UNC5D: variants seen among roughly 807,000 people sequenced by gnomAD.
The protein encoded by UNC5D is netrin receptor UNC5D.
UNC5D carries 39 observed loss-of-function variants against 105.4 expected under a neutral mutation model. That is an observed-to-expected ratio of 0.37 (90% CI 0.29 to 0.48). The LOEUF (loss-of-function observed/expected upper bound fraction) is 0.48, where lower values mean the gene tolerates loss of function less well. UNC5D is among the 20% of genes least tolerant of loss of function. UNC5D has a pLI of 0.98. For synonymous variants in UNC5D, 452 were observed against 450.4 expected, an observed-to-expected ratio of 1.00 and a Z score of -0.04; for missense variants, 991 against 1,202.4, an observed-to-expected ratio of 0.82 and a Z score of 2.60.
intron 4 of UNC5D, among the ~76,000 whole-genome samples, chr8:35,665,347 C>T (rs1363936580): frequency 6.6e-6 from 1 of 152,092 alleles, no homozygotes; most frequent in Non-Finnish European, 1.5e-5. Flanking sequence ...TCCTTTGGTT[C>T]CTCCTTTTAA....
intron 4 of UNC5D, among the ~76,000 whole-genome samples, chr8:35,607,215 A>C (rs912610405): frequency 3.3e-5 from 5 of 152,192 alleles, no homozygotes; most frequent in Non-Finnish European, 7.3e-5. Context: ...CAAAATATAG[A>C]TGTATCAGAA....
intron 1 of UNC5D, among the ~76,000 whole-genome samples, chr8:35,249,113 TTA>T (rs1192023893): frequency 1.4e-4 from 18 of 129,484 alleles, no homozygotes; most frequent in Admixed American, 6.6e-4. Flanking sequence ...AATATATATA[TTA>T]TATATATAAA....
chr8:35,238,462 G>A (rs1371753195), intron 1 of UNC5D, among the ~76,000 whole-genome samples: 1 of 152,204 alleles, frequency 6.6e-6, no homozygotes, highest in East Asian at 1.9e-4. Flanking sequence ...TTGTAAGGAA[G>A]GCACTCTGGT....
intron 4 of UNC5D, among the ~76,000 whole-genome samples, chr8:35,602,352 T>C (rs1194682540): frequency 6.6e-6 from 1 of 152,192 alleles, no homozygotes; most frequent in African/African-American, 2.4e-5. Context: ...TTCTATTGAT[T>C]GGAATAGTTT....
intron 16 of UNC5D, among the ~76,000 whole-genome samples, chr8:35,785,010 G>C (rs568975490): frequency 6.6e-5 from 10 of 151,868 alleles, no homozygotes. Context: ...TCAGGCATCT[G>C]TCTGAATATT....
intron 1 of UNC5D, among the ~76,000 whole-genome samples, chr8:35,425,766 GGTTT>G (rs1563406016): frequency 6.6e-6 from 1 of 151,900 alleles, no homozygotes; most frequent in African/African-American, 2.4e-5. Context: ...AATTTGTGAG[GGTTT>G]GTTTTCTGGT....
chr8:35,738,198 C>T (rs2131598046), intron 11 of UNC5D, among the ~76,000 whole-genome samples: 1 of 152,296 alleles, frequency 6.6e-6, no homozygotes, highest in African/African-American at 2.4e-5. Context: ...GTTCCAAGCC[C>T]TTCTCAGTAA....
At chr8:35,354,569 T>C (rs1342822865) in intron 1 of UNC5D, among the ~76,000 whole-genome samples, 5 of 152,148 alleles carry the variant, frequency 3.3e-5, no homozygotes, top group Non-Finnish European at 4.4e-5. Context: ...CTCTTTCTTG[T>C]TGTTAATGTA....
Position 35,766,948 on chromosome 8 carries a change from A to C in UNC5D, c.2360A>C (p.His787Pro). 1.2e-6 allele frequency: 2 copies of C among 1,614,066 alleles called. No individual in the cohort carries two copies. The highest frequency in any genetic ancestry group is 1.7e-6 in the Non-Finnish European group (2 of 1,179,952). The change falls in exon 15 of 17, where the codon CAC becomes CCC. Residue 787 changes from histidine to proline, a missense_variant. Physicochemically the swap from His to Pro is moderately conservative, Grantham distance 77. Transcript: ENST00000404895. The stretch of plus-strand genomic sequence containing the variant: ...TGGTGCAGTAACCGGCAGCCCCTGC[A>C]CTGTGCCTTCTCCCTGGAGCGTTAT... Reference protein sequence around the residue: ...RVWCSNRQPLHCAFSLERYTP... With the variant: ...RVWCSNRQPLPCAFSLERYTP...
At chr8:35,480,009 TA>T (rs1176315030) in intron 1 of UNC5D, among the ~76,000 whole-genome samples, 1 of 152,218 alleles carries the variant, frequency 6.6e-6, no homozygotes, top group Non-Finnish European at 1.5e-5. Context: ...GACTTACTTC[TA>T]TTGTGTGTTT....
chr8:35,590,714 A>G (rs891574761), intron 3 of UNC5D, among the ~76,000 whole-genome samples: 1 of 152,174 alleles, frequency 6.6e-6, no homozygotes, highest in African/African-American at 2.4e-5. Context: ...ATGTATGTGT[A>G]TTATTATCCT....
At chr8:35,405,788 T>A (rs567161382) in intron 1 of UNC5D, among the ~76,000 whole-genome samples, 3 of 152,190 alleles carry the variant, frequency 2.0e-5, no homozygotes, top group Non-Finnish European at 2.9e-5. Context: ...CTTTTAGCAC[T>A]TCTTTCTTGT....
At chr8:35,679,290 T>C (rs1179825549) in intron 4 of UNC5D, among the ~76,000 whole-genome samples, 9 of 151,878 alleles carry the variant, frequency 5.9e-5, no homozygotes, top group Non-Finnish European at 1.3e-4. Flanking sequence ...AGGTAAGCAT[T>C]AGGAAGAAAA....
chr8:35,635,748 A>G (rs1301856798), intron 4 of UNC5D, among the ~76,000 whole-genome samples: 1 of 152,202 alleles, frequency 6.6e-6, no homozygotes, highest in African/African-American at 2.4e-5. Flanking sequence ...ACACATATAC[A>G]ATAAGGTTGT....
chr8:35,648,037 A>T (rs558111514), intron 4 of UNC5D, among the ~76,000 whole-genome samples: 1 of 152,178 alleles, frequency 6.6e-6, no homozygotes, highest in Admixed American at 6.5e-5. Flanking sequence ...TACGCTGCAC[A>T]TCACTTAAAA....
intron 3 of UNC5D, among the ~76,000 whole-genome samples, chr8:35,569,983 C>G (rs1817611288): frequency 6.6e-6 from 1 of 152,170 alleles, no homozygotes; most frequent in Admixed American, 6.5e-5. Flanking sequence ...CATGCCTGTC[C>G]TCCCCATCTC....
intron 1 of UNC5D, among the ~76,000 whole-genome samples, chr8:35,304,566 G>A (rs866444242): frequency 2.0e-4 from 31 of 152,030 alleles, no homozygotes; most frequent in African/African-American, 7.2e-4. Context: ...TGCTGTAAGT[G>A]CACAAGCGTG....
chr8:35,692,395 G>C (rs1045625584), intron 7 of UNC5D, among the ~76,000 whole-genome samples: 1 of 152,192 alleles, frequency 6.6e-6, no homozygotes, highest in Admixed American at 6.5e-5. Context: ...ATCCATTACA[G>C]TAATTACCTG....
At chr8:35,320,726 C>A (rs562416956) in intron 1 of UNC5D, among the ~76,000 whole-genome samples, 2 of 152,136 alleles carry the variant, frequency 1.3e-5, no homozygotes, top group African/African-American at 4.8e-5. Context: ...GCCTGGACAT[C>A]CAAAGGGAGG....
Sources: gnomAD v4.1 joint callset for allele counts (sites outside exome capture counted in the v4.1 genomes callset) on GRCh38, gnomAD v4.1.1 for gene constraint, MANE v1.5 for transcripts, NCBI Gene and HGNC (gene_info 2026-07-23, HGNC 2026-07-21) for gene names.